The following ALDH4A1 variants were observed in gnomAD, a reference collection of about 807,000 sequenced individuals.
The protein encoded by ALDH4A1 is delta-1-pyrroline-5-carboxylate dehydrogenase, mitochondrial.
Under a neutral mutation model 70.5 loss-of-function variants are expected in ALDH4A1, and 46 were observed. The observed-to-expected ratio is 0.65, with a 90% CI of 0.51 to 0.83. The LOEUF is 0.83. Among genes scored for constraint, ALDH4A1 ranks in the 40% least tolerant of loss-of-function variants. ALDH4A1 has a pLI of 0.00. For missense variants in ALDH4A1, 749 were observed against 766.5 expected, an observed-to-expected ratio of 0.98 and a Z score of 0.27; for synonymous variants, 323 against 324.3, an observed-to-expected ratio of 1.00 and a Z score of 0.04.
chr1:18,891,588 G>T (rs1935432945), intron 1 of ALDH4A1, among the ~76,000 whole-genome samples: 1 of 152,154 alleles, frequency 6.6e-6, no homozygotes, highest in African/African-American at 2.4e-5. Flanking sequence ...CTTGGGGAGG[G>T]TTTAAGGAAG....
Position 18,898,945 on chromosome 1 carries a change from G to A in ALDH4A1, c.62+3517C>T, listed in dbSNP as rs748605168. Among the ~76,000 whole-genome samples, 1 of 152,210 alleles carries A rather than the reference G, an allele frequency of 6.6e-6. No homozygotes were observed. Among genetic ancestry groups the A allele is most frequent in the Non-Finnish European group, 1.5e-5 (1 of 68,046 alleles). ...TCAAATACTCACAGAGCACGCATTC[G>A]GTACCAGCATCCAGGAAACCACTGA... is the stretch of plus-strand genomic sequence containing the variant. On this transcript the variant is annotated intron_variant, in intron 1 of 14. Coordinates refer to ENST00000375341, the MANE Select transcript of ALDH4A1 (RefSeq NM_003748.4). The surrounding 1 kb of genome is among the most constrained non-coding windows in gnomAD (Gnocchi z 4.3).
intron 5 of ALDH4A1, 28 bp downstream of exon 5, chr1:18,885,445 C>CCCCCCCCCCCCCCCCCCCCCCCA: frequency 1.1e-6 from 1 of 951,066 alleles, no homozygotes; most frequent in Non-Finnish European, 1.6e-6. Flanking sequence ...CACCCCGCCC[C>CCCCCCCCCCCCCCCCCCCCCCCA]ACCCACCCGG....
At chr1:18,894,936 C>A (rs1485937520) in intron 1 of ALDH4A1, among the ~76,000 whole-genome samples, 1 of 144,042 alleles carries the variant, frequency 6.9e-6, no homozygotes, top group Non-Finnish European at 1.5e-5. Context: ...ACTGGCTGCT[C>A]GGGTGAAGGC....
chr1:18,886,663 G>A (rs556655740), intron 3 of ALDH4A1, 152 bp from the exon 4 acceptor site: 54 of 813,884 alleles, frequency 6.6e-5, no homozygotes, highest in African/African-American at 5.3e-4. Context: ...CCCAGTGCCC[G>A]GCCCACAGGT....
intron 1 of ALDH4A1, among the ~76,000 whole-genome samples, chr1:18,900,209 G>C (rs1325737682): frequency 1.3e-5 from 2 of 152,028 alleles, no homozygotes; most frequent in Admixed American, 1.3e-4. Context: ...GGCACTCAAG[G>C]CAAAAAAGAA....
At chr1:18,902,176 G>A (rs544582334) in intron 1 of ALDH4A1, among the ~76,000 whole-genome samples, 4 of 152,274 alleles carry the variant, frequency 2.6e-5, no homozygotes, top group African/African-American at 7.2e-5. Context: ...CTTTCCGAGC[G>A]TGGGAACCGG....
chr1:18,887,042 C>T (rs1361468620), intron 3 of ALDH4A1, among the ~76,000 whole-genome samples: 2 of 152,226 alleles, frequency 1.3e-5, no homozygotes, highest in Admixed American at 6.5e-5. Flanking sequence ...GGTGTTGTGA[C>T]ATGCTTGGGA....
intron 1 of ALDH4A1, among the ~76,000 whole-genome samples, chr1:18,894,865 C>CTT (rs34445898): frequency 0.021 from 2,314 of 109,926 alleles, 93 homozygotes; most frequent in African/African-American, 0.075. Flanking sequence ...TTCTTTCTTT[C>CTT]TTTTTTTTTT....
intron 13 of ALDH4A1, among the ~76,000 whole-genome samples, chr1:18,875,088 A>G (rs1177099409): frequency 6.6e-6 from 1 of 152,192 alleles, no homozygotes; most frequent in Non-Finnish European, 1.5e-5. Flanking sequence ...TCAGTGGGGC[A>G]ACACCAGATC....
At chr1:18,900,870 CT>C in intron 1 of ALDH4A1, 1 of 985,312 alleles carries the variant, frequency 1.0e-6, no homozygotes, top group Non-Finnish European at 1.2e-6. Flanking sequence ...TGAGACAGTA[CT>C]TACCGGCTCG....
intron 3 of ALDH4A1, among the ~76,000 whole-genome samples, 161 bp downstream of exon 3, chr1:18,889,201 T>C (rs934089291): frequency 6.6e-6 from 1 of 152,128 alleles, no homozygotes; most frequent in African/African-American, 2.4e-5. Flanking sequence ...GTCCTTTGCT[T>C]TGGGAGTTTT....
Position 18,902,450 on chromosome 1 carries a change from G to A in ALDH4A1, c.62+12C>T, listed in dbSNP as rs1263543936. On this transcript the variant is annotated intron_variant, in intron 1 of 14. Coordinates refer to ENST00000375341, the MANE Select transcript of ALDH4A1 (RefSeq NM_003748.4). ...GCGCGCTCGGGCCGCCCCGGGCCCC[G>A]TGCTCACTCACCCGGCCCCGGTCCA... 2.9e-6 allele frequency: 4 copies of A among 1,361,830 alleles called. No individual in the cohort carries two copies. The allele number at this position is 1,361,830 out of a possible 1,614,324, so 84.4% of individuals were successfully genotyped here.
At position 18,872,833 on chromosome 1, in the gene ALDH4A1, C is replaced by G; in HGVS notation, c.*12G>C. On this transcript the variant is annotated 3_prime_UTR_variant, in exon 15 of 15. Transcript: ENST00000375341. ...ACGGACAGACAGCTGGACGGTGGAG[C>G]CCGAGAGGGGCTCACTGCATGTACG... 6.2e-7 allele frequency: 1 copy of G among 1,608,762 alleles called. No homozygotes were observed. Among genetic ancestry groups the G allele is most frequent in the Non-Finnish European group, 8.5e-7 (1 of 1,176,426 alleles).
chr1:18,889,134 T>C lies in ALDH4A1; in HGVS notation c.249+228A>G, dbSNP rs577400680. Among the ~76,000 whole-genome samples, 329 of 152,334 alleles carry C rather than the reference T, an allele frequency of 2.2e-3. 1 individual carries two copies. The highest frequency in any genetic ancestry group is 6.0e-3 in the South Asian group (29 of 4,830). On this transcript the variant is annotated intron_variant, in intron 3 of 14. Coordinates refer to ENST00000375341, the MANE Select transcript of ALDH4A1 (RefSeq NM_003748.4). ...CAGAAGATGCTGTGTGGCCCCCTCA[T>C]GGCCTTTCTTGCCCAGACACAGGAT... is the stretch of plus-strand genomic sequence containing the variant.
rs1410748373 is a variant in ALDH4A1, at chr1:18,877,418, C to T, written c.1135G>A (p.Asp379Asn). ...LEEHSRIKVG[D>N]PAEDFGTFFS... ...GCGGGGGTGACGGTGCCACTCACGT[C>T]GCCCACTTTGATCCGACTGTGCTCC... The change falls in exon 10 of 15, where the codon GAC (aspartate) becomes AAC (asparagine). Residue 379 changes from aspartate (D) to asparagine (N), a missense_variant and splice_region_variant. Coordinates refer to ENST00000375341, the MANE Select transcript of ALDH4A1 (RefSeq NM_003748.4). 5 of 1,568,616 alleles carry T rather than the reference C, an allele frequency of 3.2e-6. 1 individual carries two copies. Among genetic ancestry groups the T allele is most frequent in the South Asian group, 2.3e-5 (2 of 86,182 alleles).
chr1:18,900,380 C>T (rs1375738313), intron 1 of ALDH4A1, among the ~76,000 whole-genome samples: 2 of 152,194 alleles, frequency 1.3e-5, no homozygotes, highest in African/African-American at 2.4e-5. Flanking sequence ...TCTAAATGTT[C>T]ACTGAGTAAA....
At chr1:18,875,333 G>T (rs6668941) in intron 13 of ALDH4A1, 49 bp downstream of exon 13, 1 of 1,613,048 alleles carries the variant, frequency 6.2e-7, no homozygotes, top group Non-Finnish European at 8.5e-7. Flanking sequence ...ATGGGGACAC[G>T]GACAGGACAC....
chr1:18,876,918 G>A (rs1934717694), intron 11 of ALDH4A1, among the ~76,000 whole-genome samples: 1 of 152,162 alleles, frequency 6.6e-6, no homozygotes, highest in Admixed American at 6.5e-5. Context: ...GAGCCACACG[G>A]AGCCCTATAT....
chr1:18,879,208 G>T, intron 9 of ALDH4A1, 92 bp downstream of exon 9: 1 of 1,310,654 alleles, frequency 7.6e-7, no homozygotes, highest in Non-Finnish European at 1.1e-6. Context: ...CCTGACTTGT[G>T]GCTGGATCCC....
Sources: allele counts gnomAD v4.1 joint callset (sites outside exome capture counted in the v4.1 genomes callset), GRCh38; gene constraint gnomAD v4.1.1; non-coding constraint Gnocchi (gnomAD v3.1); transcripts MANE v1.5; gene names NCBI Gene and HGNC (gene_info 2026-07-23, HGNC 2026-07-21).